Variants in DCDC1 observed in about 807,000 individuals in gnomAD.
DCDC1 encodes doublecortin domain-containing protein 1.
In DCDC1, 200 loss-of-function variants were observed where a neutral mutation model predicts 178.3. That is an observed-to-expected ratio of 1.12 (90% CI 1.00 to 1.26). The LOEUF (loss-of-function observed/expected upper bound fraction) is 1.26, where lower values mean the gene tolerates loss of function less well. Ranked by LOEUF, DCDC1 falls within the 50% of genes most tolerant of loss-of-function variation. The pLI, the probability that DCDC1 is intolerant of heterozygous loss-of-function variation, is 0.00. For synonymous variants in DCDC1, 690 were observed against 604.8 expected (o/e 1.14, Z -2.07); for missense variants, 1,983 against 1,749.2 (o/e 1.13, Z -2.38).
Position 31,307,741 on chromosome 11 carries a change from A to G in DCDC1, c.332T>C (p.Ile111Thr), listed in dbSNP as rs1399365393. ...TGATTTGTAGCTATCTAGGTCTGAT[A>G]TTTCATCATGGCTGTGATCTGATGC... The part of the protein sequence containing the change: ...QTASDHSHDE[I>T]SDLDSYKSNS... The change falls in exon 4 of 39, where the codon ATA (isoleucine) becomes ACA (threonine). Residue 111 changes from isoleucine to threonine, a missense_variant. Physicochemically the swap from Ile to Thr is moderately conservative, Grantham distance 89. Coordinates refer to ENST00000684477, the MANE Select transcript of DCDC1 (RefSeq NM_001387274.1). The G allele has an allele frequency of 2.5e-6, 4 of 1,613,988 alleles. No homozygotes were observed. In the African/African-American group the frequency reaches 5.3e-5, roughly 22 times the overall value.
chr11:31,294,852 AAGAAAGAAAGAAAGAAAAAG>A (rs1947558177), intron 6 of DCDC1, among the ~76,000 whole-genome samples: 1 of 141,352 alleles, frequency 7.1e-6, no homozygotes, highest in Admixed American at 7.1e-5. Context: ...GAAAGAAAGA[AAGAAAGAAAGAAAGAAAAAG>A]AAAACAGAAA....
chr11:30,964,566 G>C (rs1949313296), intron 20 of DCDC1, among the ~76,000 whole-genome samples: 1 of 152,034 alleles, frequency 6.6e-6, no homozygotes, highest in Admixed American at 6.6e-5. Flanking sequence ...GTCATTGCTG[G>C]GGTTCACTGA....
chr11:31,265,042 G>C (rs1313328707), intron 8 of DCDC1, among the ~76,000 whole-genome samples: 2 of 152,022 alleles, frequency 1.3e-5, no homozygotes, highest in Non-Finnish European at 2.9e-5. Context: ...AGAGTAATGG[G>C]TTACTGGAGT....
At chr11:30,871,437 T>TCA (rs1941544980) in intron 38 of DCDC1, among the ~76,000 whole-genome samples, 1 of 152,130 alleles carries the variant, frequency 6.6e-6, no homozygotes, top group South Asian at 2.1e-4. Context: ...CAAACCTCCA[T>TCA]CACCAGAGGT....
chr11:31,066,673 C>G (rs1329271145), intron 18 of DCDC1, among the ~76,000 whole-genome samples: 1 of 152,160 alleles, frequency 6.6e-6, no homozygotes, highest in Non-Finnish European at 1.5e-5. Context: ...TCTGAAAAGG[C>G]TACAACTCTG....
At chr11:30,877,421 T>A (rs770916341) in intron 38 of DCDC1, among the ~76,000 whole-genome samples, 4 of 152,204 alleles carry the variant, frequency 2.6e-5, no homozygotes, top group Admixed American at 2.0e-4. Context: ...GATTTGTAAC[T>A]GCTATTTTTT....
At chr11:31,331,436 G>C (rs1396388564) in intron 2 of DCDC1, among the ~76,000 whole-genome samples, 1 of 152,188 alleles carries the variant, frequency 6.6e-6, no homozygotes, top group African/African-American at 2.4e-5. Context: ...GGAGTGATGA[G>C]AGAGGGCATC....
At chr11:30,972,817 G>A (rs1275965487) in intron 20 of DCDC1, among the ~76,000 whole-genome samples, 9 of 152,092 alleles carry the variant, frequency 5.9e-5, no homozygotes, top group Non-Finnish European at 1.2e-4. Flanking sequence ...GTTTGGATCT[G>A]TGTCCCCACC....
intron 9 of DCDC1, among the ~76,000 whole-genome samples, chr11:31,145,563 G>C (rs1226294518): frequency 1.3e-5 from 2 of 152,200 alleles, no homozygotes; most frequent in Non-Finnish European, 2.9e-5. Flanking sequence ...CTTTGATTCA[G>C]ATAATTACTT....
At chr11:31,301,825 A>G (rs1948136459) in intron 6 of DCDC1, among the ~76,000 whole-genome samples, 1 of 152,210 alleles carries the variant, frequency 6.6e-6, no homozygotes, top group Admixed American at 6.5e-5. Context: ...AAGCTGTCAT[A>G]GCAAATTATT....
intron 9 of DCDC1, among the ~76,000 whole-genome samples, chr11:31,238,818 T>C (rs762120543): frequency 2.0e-5 from 3 of 152,114 alleles, no homozygotes; most frequent in Non-Finnish European, 4.4e-5. Context: ...TTTGTGCTGT[T>C]CTAAATAAAA....
intron 20 of DCDC1, among the ~76,000 whole-genome samples, chr11:31,014,889 CT>C (rs1952390460): frequency 6.6e-6 from 1 of 151,916 alleles, no homozygotes; most frequent in African/African-American, 2.4e-5. Context: ...AGATAGTGCT[CT>C]ACTGTGATTT....
At chr11:31,339,263 T>A (rs1441482935) in intron 1 of DCDC1, among the ~76,000 whole-genome samples, 1 of 152,230 alleles carries the variant, frequency 6.6e-6, no homozygotes, top group Non-Finnish European at 1.5e-5. Context: ...GATGTTATTA[T>A]GAGGCAGAGC....
chr11:30,927,979 C>T (rs1024921866), intron 22 of DCDC1, among the ~76,000 whole-genome samples: 6 of 151,928 alleles, frequency 3.9e-5, no homozygotes, highest in African/African-American at 7.3e-5. Flanking sequence ...ACATAATATA[C>T]GTTAGTGGTA....
At chr11:31,331,795 G>C (rs1950004415) in intron 2 of DCDC1, among the ~76,000 whole-genome samples, 1 of 151,984 alleles carries the variant, frequency 6.6e-6, no homozygotes, top group Non-Finnish European at 1.5e-5. Flanking sequence ...TTTTATTGAG[G>C]ATTTTCGCAT....
intron 38 of DCDC1, among the ~76,000 whole-genome samples, chr11:30,876,025 T>C (rs1942085643): frequency 6.6e-6 from 1 of 152,178 alleles, no homozygotes; most frequent in Non-Finnish European, 1.5e-5. Context: ...GCTAGAGCGA[T>C]GGGCAGAAAA....
At chr11:31,331,395 C>G (rs1329111398) in intron 2 of DCDC1, among the ~76,000 whole-genome samples, 1 of 152,136 alleles carries the variant, frequency 6.6e-6, no homozygotes, top group Non-Finnish European at 1.5e-5. Context: ...CCTGATTGCC[C>G]TGGCCAGACT....
intron 9 of DCDC1, among the ~76,000 whole-genome samples, chr11:31,177,880 T>C (rs2136265493): frequency 6.6e-6 from 1 of 152,002 alleles, no homozygotes; most frequent in Admixed American, 6.5e-5. Context: ...GTAAAGCAAA[T>C]ATTACTAGAT....
intron 7 of DCDC1, among the ~76,000 whole-genome samples, chr11:31,265,885 T>C (rs1280724794): frequency 6.7e-6 from 1 of 148,758 alleles, no homozygotes; most frequent in Non-Finnish European, 1.5e-5. Flanking sequence ...ATTTATCTAT[T>C]ATTATCTATT....
Sources: allele counts gnomAD v4.1 joint callset (sites outside exome capture counted in the v4.1 genomes callset), GRCh38; gene constraint gnomAD v4.1.1; transcripts MANE v1.5; gene names NCBI Gene and HGNC (gene_info 2026-07-23, HGNC 2026-07-21).